The following AHI1 variants were observed in gnomAD, a reference collection of about 807,000 sequenced individuals.
AHI1 encodes Abelson helper integration site 1.
In AHI1, 123 loss-of-function variants were observed where a neutral mutation model predicts 149.3. The observed-to-expected ratio is 0.82, with a 90% CI of 0.71 to 0.96. The LOEUF (loss-of-function observed/expected upper bound fraction) is 0.96, where lower values mean the gene tolerates loss of function less well. Ranked by LOEUF, AHI1 falls within the 40% of genes least tolerant of loss-of-function variation. The probability of loss-of-function intolerance (pLI) is 0.00; values close to 1 mark genes in which losing one functional copy is unlikely to be tolerated. For missense variants in AHI1, 1,439 were observed against 1,422.7 expected, an observed-to-expected ratio of 1.01 and a Z score of -0.18; for synonymous variants, 475 against 459.8, an observed-to-expected ratio of 1.03 and a Z score of -0.42.
chr6:135,372,637 A>G (rs1169840955), intron 23 of AHI1, among the ~76,000 whole-genome samples: 1 of 152,204 alleles, frequency 6.6e-6, no homozygotes, highest in East Asian at 1.9e-4. Context: ...CTATGGTTGC[A>G]CCACTGCACT....
chr6:135,448,066 A>G lies in AHI1; in HGVS notation c.1626+224T>C, dbSNP rs1787520627. 2.0e-5 allele frequency among the ~76,000 whole-genome samples: 3 copies of G among 152,360 alleles called. No homozygotes were observed. The South Asian group carries it at 6.2e-4, about 32-fold the overall frequency. On this transcript the variant is annotated intron_variant, in intron 12 of 28. Transcript: ENST00000265602. ...CTTTTATCTTTAATTTTTGAAAATC[A>G]AATTATAACAAAACATTTTTCCTAA...
chr6:135,285,852 G>A (rs530097075), intron 28 of AHI1, among the ~76,000 whole-genome samples: 2 of 152,254 alleles, frequency 1.3e-5, no homozygotes, highest in East Asian at 3.9e-4. Context: ...GCATCTTTTT[G>A]TATCATTAGC....
At chr6:135,419,588 A>T (rs1447694370) in intron 20 of AHI1, among the ~76,000 whole-genome samples, 4 of 152,152 alleles carry the variant, frequency 2.6e-5, no homozygotes, top group Admixed American at 2.0e-4. Context: ...ATGTCTAAAA[A>T]ATCAATGCAT....
chr6:135,351,171 C>T (rs1215036015), intron 24 of AHI1, among the ~76,000 whole-genome samples: 1 of 150,152 alleles, frequency 6.7e-6, no homozygotes, highest in Non-Finnish European at 1.5e-5. Flanking sequence ...AGAAAATTGA[C>T]TAAGACACAA....
chr6:135,489,990 G>A (rs980541335), intron 5 of AHI1: 17 of 459,866 alleles, frequency 3.7e-5, no homozygotes, highest in Middle Eastern at 5.0e-4. Flanking sequence ...AGTAAAAAGT[G>A]CAACTCAAGT....
intron 24 of AHI1, among the ~76,000 whole-genome samples, chr6:135,344,252 G>C (rs182729546): frequency 6.6e-6 from 1 of 151,132 alleles, no homozygotes; most frequent in African/African-American, 2.4e-5. Flanking sequence ...TGTGAATGCA[G>C]AACCTACAGA....
At chr6:135,330,602 AC>A (rs1352823047) in intron 24 of AHI1, among the ~76,000 whole-genome samples, 1 of 152,208 alleles carries the variant, frequency 6.6e-6, no homozygotes, top group African/African-American at 2.4e-5. Context: ...GTGGTCTGGA[AC>A]CAAACCGGCA....
In AHI1 at chr6:135,455,748, T is replaced by G. The variant is rs577887220; in HGVS notation, c.1330A>C (p.Ile444Leu). The change falls in exon 10 of 29, where the codon ATC becomes CTC. Residue 444 changes from isoleucine to leucine, a missense_variant. Coordinates refer to ENST00000265602, the MANE Select transcript of AHI1 (RefSeq NM_001134831.2). ...TCAATTCATACCTCAAAGAACAGGA[T>G]GACTTTAGGACTCTCATCAGAGCCT... ...LRGSDESPKV[I>L]LFFEILDFLS... is the part of the protein sequence containing the mutation. 6.3e-7 allele frequency: 1 copy of G among 1,594,064 alleles called. No homozygotes were observed. Among genetic ancestry groups the G allele is most frequent in the Non-Finnish European group, 8.6e-7 (1 of 1,168,048 alleles).
At chr6:135,473,155 TTATTA>T (rs1401532198) in intron 5 of AHI1, among the ~76,000 whole-genome samples, 1 of 152,174 alleles carries the variant, frequency 6.6e-6, no homozygotes, top group African/African-American at 2.4e-5. Flanking sequence ...GATCCCAAGT[TTATTA>T]TATATGAATA....
chr6:135,389,631 A>C (rs1356032262), intron 23 of AHI1, among the ~76,000 whole-genome samples: 1 of 152,250 alleles, frequency 6.6e-6, no homozygotes, highest in African/African-American at 2.4e-5. Context: ...AATAAAGATA[A>C]TATGAAGAGT....
At chr6:135,360,184 T>A (rs9494225) in intron 23 of AHI1, among the ~76,000 whole-genome samples, 6,593 of 152,272 alleles carry the variant, frequency 0.043, 457 homozygotes, top group African/African-American at 0.15. Flanking sequence ...CTTTTATTAA[T>A]GTATAACAAT....
At chr6:135,477,462 A>G (rs1349077615) in intron 5 of AHI1, among the ~76,000 whole-genome samples, 1 of 152,104 alleles carries the variant, frequency 6.6e-6, no homozygotes, top group Admixed American at 6.5e-5. Flanking sequence ...TAATACACAT[A>G]TTTAGCTTCT....
chr6:135,492,997 G>C, intron 3 of AHI1: 2 of 960,708 alleles, frequency 2.1e-6, no homozygotes, highest in Non-Finnish European at 2.5e-6. Context: ...AAAAAAAGCT[G>C]GTTCAGGAAT....
intron 26 of AHI1, among the ~76,000 whole-genome samples, chr6:135,305,563 A>G (rs902763489): frequency 3.9e-5 from 6 of 152,178 alleles, no homozygotes; most frequent in Admixed American, 3.9e-4. Flanking sequence ...TTTCCTTCAC[A>G]TGGATTTAGT....
intron 15 of AHI1, among the ~76,000 whole-genome samples, chr6:135,436,077 T>C (rs1038919359): frequency 1.3e-5 from 2 of 152,130 alleles, no homozygotes; most frequent in African/African-American, 2.4e-5. Context: ...AAACGTGTAA[T>C]AGGAAGTCAA....
intron 11 of AHI1, among the ~76,000 whole-genome samples, chr6:135,451,818 T>C (rs1395015123): frequency 6.6e-6 from 1 of 152,040 alleles, no homozygotes; most frequent in African/African-American, 2.4e-5. Flanking sequence ...TGGCACTGTT[T>C]ACTATGTGAA....
intron 27 of AHI1, among the ~76,000 whole-genome samples, chr6:135,292,441 A>G (rs1782480082): frequency 6.6e-6 from 1 of 152,202 alleles, no homozygotes; most frequent in South Asian, 2.1e-4. Flanking sequence ...TGTAGCCCAG[A>G]TAGAGTAGGA....
Position 135,471,533 on chromosome 6 carries a change from A to T in AHI1, c.136-3899T>A, listed in dbSNP as rs541727588. 1.8e-4 allele frequency among the ~76,000 whole-genome samples: 27 copies of T among 152,160 alleles called. No homozygotes were observed. The South Asian group carries it at 2.1e-3, about 12-fold the overall frequency. ...CTAGTTGTACTGTACTATTTTTTTT[A>T]AAAAAGTCTCCTTTGTGGAATTCAG... On this transcript the variant is annotated intron_variant, in intron 5 of 28. Transcript: ENST00000265602.
At chr6:135,397,382 C>T (rs1384632202) in intron 22 of AHI1, among the ~76,000 whole-genome samples, 1 of 151,916 alleles carries the variant, frequency 6.6e-6, no homozygotes, top group Non-Finnish European at 1.5e-5. Flanking sequence ...ATAGTCTACC[C>T]TACACCAATC....
Sources: gnomAD v4.1 joint callset for allele counts (sites outside exome capture counted in the v4.1 genomes callset) on GRCh38, gnomAD v4.1.1 for gene constraint, MANE v1.5 for transcripts, NCBI Gene and HGNC (gene_info 2026-07-23, HGNC 2026-07-21) for gene names.